Variants in ERFE observed in about 807,000 individuals in gnomAD.
ERFE encodes the protein complement C1q tumor necrosis factor-related protein 15.
In ERFE, 25 loss-of-function variants were observed where a neutral mutation model predicts 26.6. The ratio of observed to expected loss-of-function variants is 0.94; its 90% CI spans 0.69 to 1.31. The LOEUF (loss-of-function observed/expected upper bound fraction) is 1.31. ERFE is among the 40% of genes most tolerant of loss of function. The probability of loss-of-function intolerance (pLI) is 0.00; values close to 1 mark genes in which losing one functional copy is unlikely to be tolerated. For missense variants in ERFE, 447 were observed against 440.2 expected, an observed-to-expected ratio of 1.02 and a Z score of -0.14; for synonymous variants, 206 against 204.5, an observed-to-expected ratio of 1.01 and a Z score of -0.06.
intron 1 of ERFE, among the ~76,000 whole-genome samples, chr2:238,159,633 G>A (rs1326242604): frequency 1.3e-5 from 2 of 152,168 alleles, no homozygotes; most frequent in African/African-American, 2.4e-5. Context: ...ATCTGGGGTC[G>A]GGGGGCTGTG....
chr2:238,165,672 C>G lies in ERFE; in HGVS notation c.954C>G (p.Val318=). 1 of 1,549,374 alleles carries G rather than the reference C, an allele frequency of 6.5e-7. No homozygotes were observed. Among genetic ancestry groups the G allele is most frequent in the African/African-American group, 1.4e-5 (1 of 73,162 alleles). The change falls in exon 7 of 8, where the codon GTC becomes GTG. Residue 318 remains valine, a synonymous_variant. Transcript: ENST00000546354. The part of the protein sequence containing the change: ...SELFTISVNG[V]LYLQMGQWTS... ...TCTTCACCATCTCTGTGAATGGCGT[C>G]CTGTACCTGCAGGTGAGTGCGGCAG...
In ERFE at chr2:238,161,735, C is replaced by T. The variant is rs72989058; in HGVS notation, c.321+19C>T. ...GCTGAAGGTGAGGCCGGCATCCCGT[C>T]AGTGCCAGGCCGTGGGGGGTTCCGC... On this transcript the variant is annotated intron_variant, in intron 2 of 7. Coordinates refer to ENST00000546354, the MANE Select transcript of ERFE (RefSeq NM_001291832.2). The T allele has an allele frequency of 0.02, 29,882 of 1,530,976 alleles. 464 individuals are homozygous for T. The highest frequency in any genetic ancestry group is 0.061 in the South Asian group (5,077 of 82,972). 94.8% of individuals were successfully genotyped at this position (1,530,976 alleles called of 1,614,324 possible). A position where few individuals can be genotyped will look rare whatever the true frequency, so the allele number is the denominator to read the frequency against.
At chr2:238,165,297 TTAG>T (rs1693016941) in intron 6 of ERFE, among the ~76,000 whole-genome samples, 1 of 152,238 alleles carries the variant, frequency 6.6e-6, no homozygotes, top group African/African-American at 2.4e-5. Flanking sequence ...CTGAACTAAC[TTAG>T]CATCACCTGC....
At position 238,161,609 on chromosome 2, in the gene ERFE, C is replaced by A; in HGVS notation, c.214C>A (p.Arg72Ser). 6.5e-7 allele frequency: 1 copy of A among 1,541,194 alleles called. No homozygotes were observed. Among genetic ancestry groups the A allele is most frequent in the Non-Finnish European group, 8.8e-7 (1 of 1,139,754 alleles). The change falls in exon 2 of 8, where the codon CGT becomes AGT. Residue 72 changes from arginine to serine, a missense_variant. By Grantham distance (110) the Arg-to-Ser change is moderately radical. Transcript: ENST00000546354. Reference sequence around the variant, plus strand: ...TGTGTTCCAGGAGCCCACCGCTGAGCGTGCACACAGCGTCGACCCCCGGGA... The same window carrying A: ...TGTGTTCCAGGAGCCCACCGCTGAGAGTGCACACAGCGTCGACCCCCGGGA... ...AARPPEPTAERAHSVDPRDAW... is the reference protein window; with the variant it reads ...AARPPEPTAESAHSVDPRDAW...
At chr2:238,162,568 C>T (rs981697295) in intron 2 of ERFE, among the ~76,000 whole-genome samples, 168 bp from the exon 3 acceptor site, 23 of 152,272 alleles carry the variant, frequency 1.5e-4, no homozygotes, top group African/African-American at 5.3e-4. Flanking sequence ...CAGCACAGTC[C>T]TTGTACTCAC....
At position 238,168,584 on chromosome 2, in the gene ERFE, A is replaced by T. The variant is rs1055671590; in HGVS notation, c.*1530A>T. Reference sequence around the variant, plus strand: ...ATCAAACATCTCCATCCCCAAGTGCAGTAACACACAAAAACCAAACACTCT... The same window carrying T: ...ATCAAACATCTCCATCCCCAAGTGCTGTAACACACAAAAACCAAACACTCT... On this transcript the variant is annotated 3_prime_UTR_variant, in exon 8 of 8. Coordinates refer to ENST00000546354, the MANE Select transcript of ERFE (RefSeq NM_001291832.2). 6.2e-5 allele frequency: 25 copies of T among 402,996 alleles called. No individual in the cohort carries two copies. Among genetic ancestry groups the T allele is most frequent in the Non-Finnish European group, 1.1e-4 (22 of 194,600 alleles). 25.0% of individuals were successfully genotyped at this position (402,996 alleles called of 1,614,324 possible). A position where few individuals can be genotyped will look rare whatever the true frequency, so the allele number is the denominator to read the frequency against.
rs142648230 is a variant in ERFE at position 238,162,234 on chromosome 2, C to A, written c.322-502C>A. 9.9e-4 allele frequency among the ~76,000 whole-genome samples: 151 copies of A among 152,350 alleles called. 1 individual carries two copies. The highest frequency in any genetic ancestry group is 1.8e-3 in the Non-Finnish European group (121 of 68,022). Reference sequence around the variant, plus strand: ...ATCTGAACACACGATGGAAGGCCAGCTCGGAGTGCATGAGGCAGGTGCACA... The same window carrying A: ...ATCTGAACACACGATGGAAGGCCAGATCGGAGTGCATGAGGCAGGTGCACA... On this transcript the variant is annotated intron_variant, in intron 2 of 7. Transcript: ENST00000546354.
At chr2:238,162,707 A>G in intron 2 of ERFE, 29 bp from the exon 3 acceptor site, 2 of 1,413,230 alleles carry the variant, frequency 1.4e-6, no homozygotes, top group Non-Finnish European at 2.0e-6. Context: ...TGCTCCTCAC[A>G]TGTCCTCACT....
intron 2 of ERFE, among the ~76,000 whole-genome samples, chr2:238,162,032 C>G (rs1401493807): frequency 6.6e-6 from 1 of 152,246 alleles, no homozygotes; most frequent in Non-Finnish European, 1.5e-5. Flanking sequence ...GCAGGAGTGC[C>G]TGGCTCCCAG....
chr2:238,163,791 C>A lies in ERFE; in HGVS notation c.479C>A (p.Ala160Asp). 1 of 1,353,958 alleles carries A rather than the reference C, an allele frequency of 7.4e-7. No individual in the cohort carries two copies. The highest frequency in any genetic ancestry group is 1.8e-5 in the South Asian group (1 of 54,316). The allele number at this position is 1,353,958 out of a possible 1,614,324, so 83.9% of individuals were successfully genotyped here. A position where few individuals can be genotyped will look rare whatever the true frequency, so the allele number is the denominator to read the frequency against. Residue 160 changes from alanine to aspartate, a missense_variant, in exon 4 of 8, where the codon GCC (alanine) becomes GAC (aspartate). Coordinates refer to ENST00000546354, the MANE Select transcript of ERFE (RefSeq NM_001291832.2). ...AEPEPCTCGP[A>D]GPVAASLAPV... is the part of the protein sequence containing the mutation. ...CCCGAACCCTGTACGTGTGGCCCCG[C>A]CGGGCCGGTCGCTGCGAGCCTCGCC...
Position 238,167,840 on chromosome 2 carries a change from T to C in ERFE, c.*786T>C, listed in dbSNP as rs1693070084. The stretch of plus-strand genomic sequence containing the variant: ...AGGCCCCTTCCACCCTCTCCAGAGG[T>C]GGATGAGATCCCTTTTCCCCTCCCC... On this transcript the variant is annotated 3_prime_UTR_variant, in exon 8 of 8. Coordinates refer to ENST00000546354, the MANE Select transcript of ERFE (RefSeq NM_001291832.2). The C allele has an allele frequency of 4.4e-6, 1 of 227,652 alleles. No homozygotes were observed. The allele number at this position is 227,652 out of a possible 1,614,324, so 14.1% of individuals were successfully genotyped here.
chr2:238,166,998 T>C lies in ERFE; in HGVS notation c.1009T>C (p.Cys337Arg), dbSNP rs763338330. 1 of 1,550,566 alleles carries C rather than the reference T, an allele frequency of 6.4e-7. No homozygotes were observed. ...TSVFLDNASG[C>R]SLTVRSGSHF... Reference sequence around the variant, plus strand: ...CGTGTTCTTGGACAACGCCAGCGGCTGCTCCCTCACAGTGCGCAGTGGCTC... The same window carrying C: ...CGTGTTCTTGGACAACGCCAGCGGCCGCTCCCTCACAGTGCGCAGTGGCTC... The change falls in exon 8 of 8, where the codon TGC becomes CGC. Residue 337 changes from cysteine (C) to arginine (R), a missense_variant. Coordinates refer to ENST00000546354, the MANE Select transcript of ERFE (RefSeq NM_001291832.2).
Position 238,164,371 on chromosome 2 carries a change from C to G in ERFE, c.887+11C>G. The G allele has an allele frequency of 6.5e-7, 1 of 1,543,132 alleles. No homozygotes were observed. The highest frequency in any genetic ancestry group is 8.7e-7 in the Non-Finnish European group (1 of 1,145,640). On this transcript the variant is annotated intron_variant, in intron 6 of 7. Coordinates refer to ENST00000546354, the MANE Select transcript of ERFE (RefSeq NM_001291832.2). ...GTGCCAGCGCAACGCGTGAGTGTACCCCGGCCCGGACCCCACACCCGCATT... is the reference window on the plus strand; with the variant it reads ...GTGCCAGCGCAACGCGTGAGTGTACGCCGGCCCGGACCCCACACCCGCATT...
chr2:238,164,128 C>G lies in ERFE; in HGVS notation c.741C>G (p.Gly247=). The G allele has an allele frequency of 1.4e-6, 2 of 1,461,958 alleles. No individual in the cohort carries two copies. The highest frequency in any genetic ancestry group is 1.8e-6 in the Non-Finnish European group (2 of 1,111,592). 90.6% of individuals were successfully genotyped at this position (1,461,958 alleles called of 1,614,324 possible). Residue 247 remains glycine (G), a synonymous_variant, in exon 5 of 8, where the codon GGC becomes GGG. Coordinates refer to ENST00000546354, the MANE Select transcript of ERFE (RefSeq NM_001291832.2). ...GCCCGGGCCTGAACTTGACCAGCGG[C>G]CAGTACAGGGCGCCCGTGGCTGGCT... ...RRGPGLNLTS[G]QYRAPVAGFY...
rs1175400898 is a variant in ERFE, at chr2:238,167,107, A to AATG, written c.*54_*56dup. The AATG allele has an allele frequency of 6.6e-6, 10 of 1,510,028 alleles. No homozygotes were observed. The highest frequency in any genetic ancestry group is 1.2e-5 in the South Asian group (1 of 83,384). 93.5% of individuals were successfully genotyped at this position (1,510,028 alleles called of 1,614,324 possible). A position where few individuals can be genotyped will look rare whatever the true frequency, so the allele number is the denominator to read the frequency against. On this transcript the variant is annotated 3_prime_UTR_variant, in exon 8 of 8. Transcript: ENST00000546354. The stretch of plus-strand genomic sequence containing the variant: ...GGGCAAATGGAGCACAGATCTAGAC[A>AATG]ATGTGTGGACAGTGTCAGAGTAGCA...
intron 7 of ERFE, among the ~76,000 whole-genome samples, chr2:238,166,150 G>C (rs958037968): frequency 5.3e-5 from 8 of 152,232 alleles, no homozygotes; most frequent in African/African-American, 1.9e-4. Context: ...TGGCACTGTG[G>C]GAATTTTGGC....
intron 1 of ERFE, among the ~76,000 whole-genome samples, chr2:238,159,638 G>A (rs1574766445): frequency 1.3e-5 from 2 of 152,344 alleles, no homozygotes; most frequent in East Asian, 3.9e-4. Flanking sequence ...GGGTCGGGGG[G>A]CTGTGCAGGG....
In ERFE at chr2:238,167,023, C is replaced by T; in HGVS notation, c.1034C>T (p.Ser345Phe). Residue 345 changes from serine (S) to phenylalanine (F), a missense_variant, in exon 8 of 8, where the codon TCC (serine) becomes TTC (phenylalanine). By Grantham distance (155) the Ser-to-Phe change is radical. Coordinates refer to ENST00000546354, the MANE Select transcript of ERFE (RefSeq NM_001291832.2). ...TGCTCCCTCACAGTGCGCAGTGGCT[C>T]CCACTTCAGTGCTGTCCTCCTGGGC... ...SGCSLTVRSG[S>F]HFSAVLLGV 6.4e-7 allele frequency: 1 copy of T among 1,550,528 alleles called. No individual in the cohort carries two copies. Among genetic ancestry groups the T allele is most frequent in the South Asian group, 1.2e-5 (1 of 84,068 alleles).
At chr2:238,160,874 G>A (rs1226911444) in intron 1 of ERFE, among the ~76,000 whole-genome samples, 1 of 152,166 alleles carries the variant, frequency 6.6e-6, no homozygotes, top group African/African-American at 2.4e-5. Context: ...ATAGCCCAAG[G>A]CCTCTCCCAG....
Sources: allele counts gnomAD v4.1 joint callset (sites outside exome capture counted in the v4.1 genomes callset), GRCh38; gene constraint gnomAD v4.1.1; transcripts MANE v1.5; gene names NCBI Gene and HGNC (gene_info 2026-07-23, HGNC 2026-07-21).